PCDHA2: variants seen among roughly 807,000 people sequenced by gnomAD.
PCDHA2 encodes protocadherin alpha-2.
In PCDHA2, 58 loss-of-function variants were observed where a neutral mutation model predicts 66.0. The ratio of observed to expected loss-of-function variants is 0.88; its 90% CI spans 0.71 to 1.09. PCDHA2 has a LOEUF of 1.09. PCDHA2 is among the 50% of genes least tolerant of loss of function. The pLI, the probability that PCDHA2 is intolerant of heterozygous loss-of-function variation, is 0.00. For synonymous variants in PCDHA2, 634 were observed against 554.0 expected (o/e 1.14, Z -2.03); for missense variants, 1,267 against 1,242.3 (o/e 1.02, Z -0.30).
intron 1 of PCDHA2, among the ~76,000 whole-genome samples, chr5:140,959,410 T>C (rs564453268): frequency 6.6e-5 from 10 of 152,300 alleles, no homozygotes; most frequent in Non-Finnish European, 1.3e-4. Flanking sequence ...AAGTGTTGAT[T>C]GATCTGAGAA....
intron 1 of PCDHA2, among the ~76,000 whole-genome samples, chr5:140,910,502 G>C (rs182167004): frequency 2.6e-4 from 39 of 152,266 alleles, no homozygotes. Flanking sequence ...CAATCACAAA[G>C]CTCTTCAAGG....
chr5:140,830,040 T>C lies in PCDHA2; in HGVS notation c.2388+32688T>C, dbSNP rs2150180125. The C allele has an allele frequency of 2.5e-6, 4 of 1,613,666 alleles. No homozygotes were observed. The African/African-American group carries it at 4.0e-5, about 16-fold the overall frequency. On this transcript the variant is annotated intron_variant, in intron 1 of 3. Coordinates refer to ENST00000526136, the MANE Select transcript of PCDHA2 (RefSeq NM_018905.3). Reference sequence around the variant, plus strand: ...TCTCCGCGCCACCGGCTGCTGGTGCTGGTGAAAGACCACGGTGAGCCGGCG... The same window carrying C: ...TCTCCGCGCCACCGGCTGCTGGTGCCGGTGAAAGACCACGGTGAGCCGGCG...
chr5:140,925,100 A>AGGAG (rs1217709299), intron 1 of PCDHA2, among the ~76,000 whole-genome samples: 12 of 151,586 alleles, frequency 7.9e-5, no homozygotes, highest in Admixed American at 1.3e-4. Context: ...GAAGGAAGGA[A>AGGAG]GGAAGGAGGG....
intron 1 of PCDHA2, chr5:140,929,402 A>G: frequency 7.3e-6 from 11 of 1,507,926 alleles, no homozygotes; most frequent in Non-Finnish European, 9.7e-6. Context: ...TTTCTTAGAC[A>G]AGCCTTTCAC....
intron 3 of PCDHA2, among the ~76,000 whole-genome samples, chr5:140,982,945 G>A (rs2097017253): frequency 6.6e-6 from 1 of 151,722 alleles, no homozygotes; most frequent in Non-Finnish European, 1.5e-5. Flanking sequence ...TTTGGTTGAA[G>A]ACTATGGAAA....
At chr5:140,883,133 G>C in intron 1 of PCDHA2, 1 of 1,614,112 alleles carries the variant, frequency 6.2e-7, no homozygotes, top group Non-Finnish European at 8.5e-7. Flanking sequence ...ATGGCCTGCA[G>C]TGGTATATGC....
At chr5:140,986,618 C>T (rs782259734) in intron 3 of PCDHA2, among the ~76,000 whole-genome samples, 2 of 152,134 alleles carry the variant, frequency 1.3e-5, no homozygotes, top group African/African-American at 2.4e-5. Flanking sequence ...TCAGGCCTTA[C>T]CTAAGGCAAC....
Position 140,863,355 on chromosome 5 carries a change from G to A in PCDHA2, c.2388+66003G>A, listed in dbSNP as rs541699808. ...TCACGTTGCTGCTGTACACGACGCT[G>A]CGGTGCTTGGCGCAGCTCACCGAGA... On this transcript the variant is annotated intron_variant, in intron 1 of 3. Coordinates refer to ENST00000526136, the MANE Select transcript of PCDHA2 (RefSeq NM_018905.3). 8 of 1,264,220 alleles carry A rather than the reference G, an allele frequency of 6.3e-6. No homozygotes were observed. In the Admixed American group the frequency reaches 1.3e-4, roughly 20 times the overall value. 78.3% of individuals were successfully genotyped at this position (1,264,220 alleles called of 1,614,324 possible).
chr5:140,883,777 G>T, intron 1 of PCDHA2: 3 of 1,612,364 alleles, frequency 1.9e-6, no homozygotes, highest in Non-Finnish European at 1.7e-6. Flanking sequence ...GCGAGCGTGC[G>T]CTGTCGAGCT....
chr5:140,967,508 C>G (rs2096150874), intron 1 of PCDHA2: 2 of 1,612,712 alleles, frequency 1.2e-6, no homozygotes, highest in Non-Finnish European at 1.7e-6. Flanking sequence ...TGTGCGTGTC[C>G]TGGACACTAA....
intron 1 of PCDHA2, chr5:140,805,360 G>C: frequency 8.5e-7 from 1 of 1,180,458 alleles, no homozygotes; most frequent in Non-Finnish European, 1.0e-6. Flanking sequence ...ATATAGTTTG[G>C]GTCCCCACAT....
chr5:140,828,987 C>T (rs2150161632), intron 1 of PCDHA2: 5 of 1,613,856 alleles, frequency 3.1e-6, no homozygotes, highest in Admixed American at 3.3e-5. Flanking sequence ...GATCGAAATA[C>T]GGGAGAAATA....
In PCDHA2 at chr5:140,794,930, C is replaced by T. The variant is rs782425445; in HGVS notation, c.-35C>T. 1.9e-6 allele frequency: 3 copies of T among 1,559,584 alleles called. No homozygotes were observed. In the African/African-American group the frequency reaches 4.1e-5, roughly 22 times the overall value. On this transcript the variant is annotated 5_prime_UTR_variant, in exon 1 of 4. Transcript: ENST00000526136. ...AATATTTAAATTTTTGCAAAACATG[C>T]TCTTCTAATTTGATCAAAACATTGA...
intron 1 of PCDHA2, among the ~76,000 whole-genome samples, chr5:140,889,588 GA>G (rs2062289236): frequency 6.6e-6 from 1 of 151,768 alleles, no homozygotes; most frequent in East Asian, 1.9e-4. Context: ...TTTTTGCTTT[GA>G]AATATTTTTA....
rs2098419589 is a variant in PCDHA2 at position 141,011,142 on chromosome 5, C to A, written c.*1205C>A. 1 of 153,660 alleles carries A rather than the reference C, an allele frequency of 6.5e-6. No individual in the cohort carries two copies. The highest frequency in any genetic ancestry group is 2.1e-4 in the South Asian group (1 of 4,820). 9.5% of individuals were successfully genotyped at this position (153,660 alleles called of 1,614,324 possible). On this transcript the variant is annotated 3_prime_UTR_variant, in exon 4 of 4. Transcript: ENST00000526136. ...CAATTATGTGCACTTTGATACACAA[C>A]CTTCTCTAACCAACTATATATCAAG...
chr5:140,796,518 C>T lies in PCDHA2; in HGVS notation c.1554C>T (p.Tyr518=), dbSNP rs1169490682. The T allele has an allele frequency of 6.2e-7, 1 of 1,612,428 alleles. No individual in the cohort carries two copies. The highest frequency in any genetic ancestry group is 2.0e-4 in the Middle Eastern group (1 of 5,042). The change falls in exon 1 of 4, where the codon TAC becomes TAT. Residue 518 remains tyrosine, a synonymous_variant. Coordinates refer to ENST00000526136, the MANE Select transcript of PCDHA2 (RefSeq NM_018905.3). The part of the protein sequence containing the change: ...VSVHAESGKV[Y]ALQPLDHEEV... ...TGCACGCGGAGAGCGGCAAGGTGTA[C>T]GCGCTGCAGCCGCTGGACCACGAGG...
intron 1 of PCDHA2, chr5:140,821,658 G>A: frequency 8.6e-7 from 1 of 1,163,106 alleles, no homozygotes; most frequent in Non-Finnish European, 1.2e-6. Context: ...ATTTTTGGCT[G>A]TGCCAAGAAG....
At chr5:140,878,859 C>T (rs2057755620) in intron 1 of PCDHA2, among the ~76,000 whole-genome samples, 1 of 152,188 alleles carries the variant, frequency 6.6e-6, no homozygotes, top group African/African-American at 2.4e-5. Flanking sequence ...TTCAACTGAT[C>T]CTCCATTTCA....
intron 1 of PCDHA2, chr5:140,863,244 G>A (rs1292060203): frequency 7.3e-7 from 1 of 1,361,116 alleles, no homozygotes; most frequent in Non-Finnish European, 1.0e-6. Context: ...GGGCTTTGGC[G>A]GGCGTCGAGG....
Sources: gnomAD v4.1 joint callset for allele counts (sites outside exome capture counted in the v4.1 genomes callset) on GRCh38, gnomAD v4.1.1 for gene constraint, MANE v1.5 for transcripts, NCBI Gene and HGNC (gene_info 2026-07-23, HGNC 2026-07-21) for gene names.